The following MIR2052HG variants were observed in gnomAD, a reference collection of about 807,000 sequenced individuals.
MIR2052HG encodes the protein MIR2052 host gene.
At chr8:74,623,484 C>T (rs117007716) in intron 2 of MIR2052HG, among the ~76,000 whole-genome samples, 2,145 of 152,136 alleles carry the variant, frequency 0.014, 15 homozygotes, top group Non-Finnish European at 0.021. Context: ...GCAGGAACGT[C>T]AACTGTTCAG....
intron 2 of MIR2052HG, among the ~76,000 whole-genome samples, chr8:74,669,010 C>T (rs1359652863): frequency 6.6e-6 from 1 of 152,180 alleles, no homozygotes; most frequent in African/African-American, 2.4e-5. Flanking sequence ...GAATGTGACT[C>T]CTGATGAACC....
At chr8:74,750,769 A>C (rs1470770689) in intron 4 of MIR2052HG, among the ~76,000 whole-genome samples, 1 of 152,210 alleles carries the variant, frequency 6.6e-6, no homozygotes, top group Non-Finnish European at 1.5e-5. Context: ...TAAGTAGATA[A>C]GGGTAACTAG....
chr8:74,636,759 C>A (rs1263843369), intron 2 of MIR2052HG, among the ~76,000 whole-genome samples: 1 of 152,054 alleles, frequency 6.6e-6, no homozygotes, highest in Non-Finnish European at 1.5e-5. Context: ...TTTTTCATGC[C>A]CTTTCCATCC....
chr8:74,710,731 T>C (rs540636386), intron 4 of MIR2052HG, among the ~76,000 whole-genome samples: 1 of 152,298 alleles, frequency 6.6e-6, no homozygotes, highest in Non-Finnish European at 1.5e-5. Flanking sequence ...ATGGGGTTCA[T>C]ACAAAGTCCT....
At chr8:74,739,526 G>A (rs1317506024) in intron 4 of MIR2052HG, among the ~76,000 whole-genome samples, 1 of 152,094 alleles carries the variant, frequency 6.6e-6, no homozygotes, top group East Asian at 1.9e-4. Flanking sequence ...CACTGAGATG[G>A]CAGGTTCATG....
intron 2 of MIR2052HG, among the ~76,000 whole-genome samples, chr8:74,652,313 C>T (rs73687193): frequency 0.045 from 6,805 of 152,182 alleles, 246 homozygotes; most frequent in African/African-American, 0.099. Flanking sequence ...GGACGTGACA[C>T]ATAATATTTC....
At chr8:74,742,097 C>T (rs1809836883) in intron 4 of MIR2052HG, among the ~76,000 whole-genome samples, 1 of 152,088 alleles carries the variant, frequency 6.6e-6, no homozygotes, top group Non-Finnish European at 1.5e-5. Context: ...GATCACTGTA[C>T]GTAATTTAGA....
intron 2 of MIR2052HG, among the ~76,000 whole-genome samples, chr8:74,659,790 C>G (rs1808842418): frequency 6.6e-6 from 1 of 152,106 alleles, no homozygotes. Context: ...TTATGAACTT[C>G]CTCTTTATAG....
In MIR2052HG at chr8:74,603,397, G is replaced by C. The variant is rs1480099614; in HGVS notation, n.128+3489G>C. ...AGTGATGGTAACCTGCCTATCAGTA[G>C]ATCCTTCCACTGGGTTCGCAATTTT... On this transcript the variant is annotated intron_variant and non_coding_transcript_variant, in intron 1 of 6. Coordinates refer to ENST00000523442, the Ensembl canonical transcript of MIR2052HG. 5 of 1,610,934 alleles carry C rather than the reference G, an allele frequency of 3.1e-6. No homozygotes were observed. In the African/African-American group the frequency reaches 6.7e-5, roughly 22 times the overall value.
At chr8:74,720,925 G>A (rs546823717) in intron 4 of MIR2052HG, among the ~76,000 whole-genome samples, 1 of 152,222 alleles carries the variant, frequency 6.6e-6, no homozygotes, top group Admixed American at 6.5e-5. Flanking sequence ...ACCATCATGA[G>A]AACAGCATGG....
intron 4 of MIR2052HG, among the ~76,000 whole-genome samples, chr8:74,728,349 T>G (rs144175355): frequency 2.8e-4 from 43 of 152,288 alleles, no homozygotes; most frequent in African/African-American, 1.0e-3. Context: ...GAATCTGAGA[T>G]TGTCAGAATA....
intron 2 of MIR2052HG, among the ~76,000 whole-genome samples, chr8:74,654,619 A>G (rs1320362762): frequency 6.6e-6 from 1 of 152,014 alleles, no homozygotes; most frequent in Non-Finnish European, 1.5e-5. Flanking sequence ...TAAGGAGTAC[A>G]TTTTGCGTCC....
At position 74,739,034 on chromosome 8, in the gene MIR2052HG, T is replaced by G. The variant is rs530899357; in HGVS notation, n.372-13407T>G. 2.6e-5 allele frequency among the ~76,000 whole-genome samples: 4 copies of G among 152,346 alleles called. No individual in the cohort carries two copies. The East Asian group carries it at 5.8e-4, about 22-fold the overall frequency. On this transcript the variant is annotated intron_variant and non_coding_transcript_variant, in intron 4 of 6. Coordinates refer to ENST00000523442, the Ensembl canonical transcript of MIR2052HG. Reference sequence around the variant, plus strand: ...GTTGAGGTTATAAAGTTTTTAAAGTTCATTAAAGGGAGGGGATCAATAAAT... The same window carrying G: ...GTTGAGGTTATAAAGTTTTTAAAGTGCATTAAAGGGAGGGGATCAATAAAT...
chr8:74,755,103 ATCT>A (rs908280511), intron 5 of MIR2052HG, among the ~76,000 whole-genome samples: 1 of 152,222 alleles, frequency 6.6e-6, no homozygotes, highest in Non-Finnish European at 1.5e-5. Context: ...GAAACTTTAC[ATCT>A]TCTAAATCAT....
chr8:74,636,223 C>A (rs1367122919), intron 2 of MIR2052HG, among the ~76,000 whole-genome samples: 2 of 152,234 alleles, frequency 1.3e-5, no homozygotes, highest in East Asian at 3.9e-4. Flanking sequence ...TTGACCTGTT[C>A]TTTACTTACC....
chr8:74,634,856 G>T (rs889917744), intron 2 of MIR2052HG, among the ~76,000 whole-genome samples: 11 of 152,022 alleles, frequency 7.2e-5, no homozygotes, highest in South Asian at 2.1e-4. Flanking sequence ...TGAGATTTTG[G>T]CAGGGCAATT....
intron 2 of MIR2052HG, among the ~76,000 whole-genome samples, chr8:74,649,701 G>A (rs547974651): frequency 6.6e-6 from 1 of 152,064 alleles, no homozygotes; most frequent in South Asian, 2.1e-4. Flanking sequence ...TACCTATTTA[G>A]TGTCACTGTG....
intron 2 of MIR2052HG, among the ~76,000 whole-genome samples, chr8:74,635,431 G>A (rs1358786325): frequency 6.6e-6 from 1 of 152,100 alleles, no homozygotes; most frequent in Admixed American, 6.6e-5. Flanking sequence ...TACTGGATAA[G>A]TTTGGGATCC....
chr8:74,659,201 TAAA>T (rs1286390735), intron 2 of MIR2052HG, among the ~76,000 whole-genome samples: 2 of 152,182 alleles, frequency 1.3e-5, no homozygotes, highest in African/African-American at 4.8e-5. Context: ...AATATGCTCA[TAAA>T]GAAGACTCAA....
Sources: gnomAD v4.1 joint callset for allele counts (sites outside exome capture counted in the v4.1 genomes callset) on GRCh38, gnomAD v4.1.1 for gene constraint, MANE v1.5 for transcripts, NCBI Gene and HGNC (gene_info 2026-07-23, HGNC 2026-07-21) for gene names.